Variants in LACTB observed in about 807,000 individuals in gnomAD.
The protein encoded by LACTB is serine beta-lactamase-like protein LACTB, mitochondrial.
A neutral mutation model predicts 50.2 loss-of-function variants in LACTB; 35 were observed. That is an observed-to-expected ratio of 0.70 (90% CI 0.53 to 0.92). The LOEUF is 0.92. LACTB is among the 40% of genes least tolerant of loss of function. The probability of loss-of-function intolerance (pLI) is 0.00; values close to 1 mark genes in which losing one functional copy is unlikely to be tolerated. For synonymous variants in LACTB, 252 were observed against 268.2 expected (o/e 0.94, Z 0.59); for missense variants, 664 against 691.8 (o/e 0.96, Z 0.45).
In LACTB at chr15:63,141,306, G is replaced by A. The variant is rs772322623; in HGVS notation, c.1145G>A (p.Arg382His). 10 of 1,596,494 alleles carry A rather than the reference G, an allele frequency of 6.3e-6. No homozygotes were observed. In the Admixed American group the frequency reaches 8.9e-5, roughly 14 times the overall value. Residue 382 changes from arginine to histidine, a missense_variant, in exon 6 of 6, where the codon CGT becomes CAT. Coordinates refer to ENST00000261893, the MANE Select transcript of LACTB (RefSeq NM_032857.5). ...TTTTATGTTTACAATAAAAAGAAAC[G>A]TCTTGTCAACACACCTTACGTGGAT... is the stretch of plus-strand genomic sequence containing the variant. ...ARFYVYNKKK[R>H]LVNTPYVDNS...
intron 5 of LACTB, among the ~76,000 whole-genome samples, chr15:63,132,628 G>T (rs2037143816): frequency 6.6e-6 from 1 of 151,866 alleles, no homozygotes; most frequent in Non-Finnish European, 1.5e-5. Context: ...GACCAGCCTG[G>T]GTAATATGGT....
chr15:63,133,905 G>A (rs897465516), intron 5 of LACTB, among the ~76,000 whole-genome samples: 5 of 152,124 alleles, frequency 3.3e-5, no homozygotes, highest in African/African-American at 1.2e-4. Context: ...TATTATTAGA[G>A]GAAAAAGTAT....
chr15:63,123,188 AT>A (rs1222397865), intron 2 of LACTB, among the ~76,000 whole-genome samples: 2 of 152,226 alleles, frequency 1.3e-5, no homozygotes, highest in Non-Finnish European at 2.9e-5. Context: ...CGAATTGTTT[AT>A]TTCTGGAATT....
chr15:63,123,017 C>T (rs918259787), intron 2 of LACTB, among the ~76,000 whole-genome samples: 1 of 152,124 alleles, frequency 6.6e-6, no homozygotes, highest in African/African-American at 2.4e-5. Flanking sequence ...CAGTGGATGC[C>T]TGAAAAAGTG....
chr15:63,138,501 C>T (rs1051435716), intron 5 of LACTB, among the ~76,000 whole-genome samples: 8 of 152,036 alleles, frequency 5.3e-5, no homozygotes, highest in Non-Finnish European at 1.2e-4. Context: ...TTCTTTTAAG[C>T]AGAAATGTTC....
chr15:63,129,809 A>G (rs2037105868), intron 5 of LACTB, 159 bp downstream of exon 5: 1 of 951,896 alleles, frequency 1.1e-6, no homozygotes, highest in Non-Finnish European at 1.4e-6. Context: ...TGAAGGAAGT[A>G]AAACATGTTT....
chr15:63,122,601 C>CCCGT (rs762648305), intron 1 of LACTB, 35 bp from the exon 2 acceptor site: 1 of 1,545,098 alleles, frequency 6.5e-7, no homozygotes, highest in Non-Finnish European at 9.0e-7. Context: ...TTTCAGCAGG[C>CCCGT]CCGTAACTGT....
chr15:63,129,723 T>A (rs1251475711), intron 5 of LACTB, 73 bp downstream of exon 5: 2 of 1,355,862 alleles, frequency 1.5e-6, no homozygotes, highest in African/African-American at 3.0e-5. Flanking sequence ...AAGTCAAATT[T>A]TCTTTGTTTC....
intron 2 of LACTB, 44 bp downstream of exon 2, chr15:63,122,746 A>G (rs1373992939): frequency 1.9e-5 from 26 of 1,360,362 alleles, no homozygotes; most frequent in Non-Finnish European, 2.7e-5. Flanking sequence ...CAGTTGGTAA[A>G]TAAAATATTG....
At chr15:63,136,562 G>A (rs563538260) in intron 5 of LACTB, among the ~76,000 whole-genome samples, 1 of 151,994 alleles carries the variant, frequency 6.6e-6, no homozygotes, top group African/African-American at 2.4e-5. Context: ...AAAATGTTTT[G>A]TCTGTTTGCT....
At chr15:63,133,477 A>G (rs1190880418) in intron 5 of LACTB, among the ~76,000 whole-genome samples, 1 of 152,162 alleles carries the variant, frequency 6.6e-6, no homozygotes, top group Non-Finnish European at 1.5e-5. Context: ...TTAAAAAATT[A>G]GGCGGGCATA....
chr15:63,139,786 A>G (rs1366700146), intron 5 of LACTB, among the ~76,000 whole-genome samples: 1 of 152,098 alleles, frequency 6.6e-6, no homozygotes, highest in Non-Finnish European at 1.5e-5. Context: ...CTCTGTCTCA[A>G]AAAAAAGAAG....
At chr15:63,124,102 G>A (rs2037016252) in intron 2 of LACTB, among the ~76,000 whole-genome samples, 1 of 152,192 alleles carries the variant, frequency 6.6e-6, no homozygotes, top group African/African-American at 2.4e-5. Context: ...CTTCCTAGAT[G>A]CTGGCGTTAC....
At chr15:63,133,166 T>C (rs1419818895) in intron 5 of LACTB, among the ~76,000 whole-genome samples, 1 of 152,266 alleles carries the variant, frequency 6.6e-6, no homozygotes, top group East Asian at 1.9e-4. Flanking sequence ...TGAAAAATGC[T>C]ATGATTTTAT....
intron 1 of LACTB, 28 bp from the exon 2 acceptor site, chr15:63,122,608 C>A: frequency 6.3e-7 from 1 of 1,582,530 alleles, no homozygotes; most frequent in East Asian, 2.2e-5. Context: ...AGGCCCGTAA[C>A]TGTCGGTTCT....
Position 63,126,181 on chromosome 15 carries a change from G to A in LACTB, c.425-678G>A, listed in dbSNP as rs549405497. The stretch of plus-strand genomic sequence containing the variant: ...ATTTTTGAGACAGTTTCACTTTGTC[G>A]CCCTGGCTGGAGTGCAGTGGCGTTT... On this transcript the variant is annotated intron_variant, in intron 2 of 5. Transcript: ENST00000261893. 3.9e-5 allele frequency among the ~76,000 whole-genome samples: 6 copies of A among 152,108 alleles called. No individual in the cohort carries two copies. In the East Asian group the frequency reaches 1.2e-3, roughly 29 times the overall value.
chr15:63,141,420 T>C lies in LACTB; in HGVS notation c.1259T>C (p.Val420Ala). 6.2e-7 allele frequency: 1 copy of C among 1,614,182 alleles called. No individual in the cohort carries two copies. Among genetic ancestry groups the C allele is most frequent in the South Asian group, 1.1e-5 (1 of 91,082 alleles). ...FGNAMLYGYQVGLFKNSNENL... is the reference protein window; with the variant it reads ...FGNAMLYGYQAGLFKNSNENL... Reference sequence around the variant, plus strand: ...AATGCAATGCTTTATGGTTACCAAGTTGGGCTGTTTAAGAACTCAAATGAA... The same window carrying C: ...AATGCAATGCTTTATGGTTACCAAGCTGGGCTGTTTAAGAACTCAAATGAA... The change falls in exon 6 of 6, where the codon GTT becomes GCT. Residue 420 changes from valine to alanine, a missense_variant. Coordinates refer to ENST00000261893, the MANE Select transcript of LACTB (RefSeq NM_032857.5).
intron 4 of LACTB, chr15:63,129,251 G>A (rs1208632044): frequency 7.2e-6 from 2 of 276,288 alleles, no homozygotes; most frequent in South Asian, 1.4e-4. Flanking sequence ...GCAGATTTAT[G>A]TGAAATGTTA....
intron 5 of LACTB, among the ~76,000 whole-genome samples, chr15:63,134,128 C>G (rs991288190): frequency 3.9e-5 from 6 of 151,968 alleles, no homozygotes; most frequent in Non-Finnish European, 8.8e-5. Flanking sequence ...TTACTCCTCT[C>G]TCTTCATACC....
Sources: allele counts gnomAD v4.1 joint callset (sites outside exome capture counted in the v4.1 genomes callset), GRCh38; gene constraint gnomAD v4.1.1; transcripts MANE v1.5; gene names NCBI Gene and HGNC (gene_info 2026-07-23, HGNC 2026-07-21).